NT5C2: variants seen among roughly 807,000 people sequenced by gnomAD.
NT5C2 encodes 5'-nucleotidase, cytosolic II.
NT5C2 carries 58 observed loss-of-function variants against 76.1 expected under a neutral mutation model. The observed-to-expected ratio is 0.76, with a 90% CI of 0.62 to 0.95. The LOEUF (loss-of-function observed/expected upper bound fraction) is 0.95. NT5C2 is among the 40% of genes least tolerant of loss of function. NT5C2 has a pLI of 0.00. For synonymous variants in NT5C2, 229 were observed against 237.4 expected, an observed-to-expected ratio of 0.96 and a Z score of 0.32; for missense variants, 478 against 690.3, an observed-to-expected ratio of 0.69 and a Z score of 3.45.
chr10:103,127,504 G>A (rs987270641), intron 4 of NT5C2, among the ~76,000 whole-genome samples: 1 of 152,150 alleles, frequency 6.6e-6, no homozygotes, highest in Non-Finnish European at 1.5e-5. Flanking sequence ...CCATCAGAAT[G>A]GATTATGTTA....
chr10:103,127,698 A>G (rs1261758510), intron 4 of NT5C2, among the ~76,000 whole-genome samples: 1 of 152,210 alleles, frequency 6.6e-6, no homozygotes, highest in Non-Finnish European at 1.5e-5. Flanking sequence ...TAACACCTTT[A>G]GCAAAATCCG....
At chr10:103,188,703 T>C (rs964391746) in intron 1 of NT5C2, among the ~76,000 whole-genome samples, 4 of 152,118 alleles carry the variant, frequency 2.6e-5, no homozygotes, top group African/African-American at 9.7e-5. Context: ...GAAAATTCTG[T>C]ATAACATACG....
chr10:103,190,893 T>C (rs1266468085), intron 1 of NT5C2, among the ~76,000 whole-genome samples: 1 of 152,212 alleles, frequency 6.6e-6, no homozygotes, highest in Non-Finnish European at 1.5e-5. Context: ...GAAGATTAGA[T>C]GAATTCTCTA....
intron 4 of NT5C2, among the ~76,000 whole-genome samples, chr10:103,114,441 A>G (rs1483704765): frequency 6.6e-6 from 1 of 152,068 alleles, no homozygotes; most frequent in Non-Finnish European, 1.5e-5. Flanking sequence ...AATAAAAATA[A>G]AAATACTGAC....
intron 3 of NT5C2, among the ~76,000 whole-genome samples, chr10:103,173,214 T>C (rs150717286): frequency 2.8e-4 from 42 of 152,274 alleles, no homozygotes; most frequent in African/African-American, 4.3e-4. Context: ...AAGGAAACTT[T>C]GCTAATACCC....
intron 3 of NT5C2, among the ~76,000 whole-genome samples, chr10:103,154,108 C>G (rs1287325462): frequency 6.6e-6 from 1 of 152,098 alleles, no homozygotes; most frequent in Non-Finnish European, 1.5e-5. Flanking sequence ...AACATTCCTG[C>G]CTCCCGACCA....
chr10:103,191,692 A>C (rs1041450199), intron 1 of NT5C2, among the ~76,000 whole-genome samples: 5 of 149,772 alleles, frequency 3.3e-5, no homozygotes, highest in Admixed American at 6.7e-5. Flanking sequence ...GGAATCTTGC[A>C]TAACATCTCC....
intron 4 of NT5C2, among the ~76,000 whole-genome samples, chr10:103,126,940 T>C (rs1305128061): frequency 6.6e-6 from 1 of 152,162 alleles, no homozygotes; most frequent in African/African-American, 2.4e-5. Flanking sequence ...GTCTCCCAAG[T>C]AGCTGGAACT....
At chr10:103,156,671 C>G (rs1004472542) in intron 3 of NT5C2, among the ~76,000 whole-genome samples, 2 of 151,698 alleles carry the variant, frequency 1.3e-5, no homozygotes, top group African/African-American at 4.8e-5. Flanking sequence ...TCGACAATCA[C>G]TTGAACCCAG....
chr10:103,093,961 CTG>C lies in NT5C2; in HGVS notation c.988+9_988+10del. On this transcript the variant is annotated intron_variant, in intron 14 of 18. Coordinates refer to ENST00000404739, the MANE Select transcript of NT5C2 (RefSeq NM_001351169.2). ...GCAAAGACATTAAATAAAGGGAAGT[CTG>C]TGACTTACCTCCTGAGTAGACGATA... 6.2e-7 allele frequency: 1 copy of C among 1,605,818 alleles called. No homozygotes were observed. Among genetic ancestry groups the C allele is most frequent in the Non-Finnish European group, 8.5e-7 (1 of 1,172,432 alleles).
In NT5C2 at chr10:103,139,558, T is replaced by C. The variant is rs1219313201; in HGVS notation, c.102-79A>G. 5.0e-6 allele frequency: 5 copies of C among 1,000,126 alleles called. No homozygotes were observed. The Admixed American group carries it at 8.2e-5, about 16-fold the overall frequency. The allele number at this position is 1,000,126 out of a possible 1,614,324, so 62.0% of individuals were successfully genotyped here. On this transcript the variant is annotated intron_variant, in intron 3 of 18. Coordinates refer to ENST00000404739, the MANE Select transcript of NT5C2 (RefSeq NM_001351169.2). ...TTTAATAAAGTTATTTGGCTATTTT[T>C]CTAGGTTTTCTCATTTATTTTTCCA...
intron 2 of NT5C2, among the ~76,000 whole-genome samples, chr10:103,180,153 T>C (rs1048866954): frequency 3.3e-5 from 5 of 152,222 alleles, no homozygotes; most frequent in African/African-American, 1.2e-4. Context: ...TATGAAGTGA[T>C]GTTTAACATC....
intron 3 of NT5C2, among the ~76,000 whole-genome samples, chr10:103,170,359 C>A (rs1487754783): frequency 6.6e-6 from 1 of 151,892 alleles, no homozygotes; most frequent in Non-Finnish European, 1.5e-5. Flanking sequence ...AAACATCAAG[C>A]CTTTGAAAAT....
At chr10:103,187,579 A>G (rs1445380505) in intron 1 of NT5C2, among the ~76,000 whole-genome samples, 4 of 151,490 alleles carry the variant, frequency 2.6e-5, no homozygotes, top group African/African-American at 7.3e-5. Flanking sequence ...AAAACTTTTA[A>G]TGTTTACTCT....
chr10:103,142,666 T>G (rs1014679674), intron 3 of NT5C2, among the ~76,000 whole-genome samples: 29 of 148,242 alleles, frequency 2.0e-4, no homozygotes, highest in African/African-American at 6.9e-4. Context: ...AGACCCTGTT[T>G]CAAAAAGAAA....
intron 4 of NT5C2, among the ~76,000 whole-genome samples, chr10:103,129,580 G>C (rs1591229291): frequency 8.6e-6 from 1 of 116,772 alleles, no homozygotes; most frequent in African/African-American, 3.2e-5. Flanking sequence ...AGGTGGGGGT[G>C]TCAGCCCCCC....
chr10:103,098,310 A>AATT (rs1298674462), intron 10 of NT5C2: 1 of 258,130 alleles, frequency 3.9e-6, no homozygotes, highest in Non-Finnish European at 7.4e-6. Flanking sequence ...TTTTTTAAAA[A>AATT]ATTTTATCAG....
chr10:103,091,014 A>ACTC lies in NT5C2; in HGVS notation c.1212-21_1212-19dup, dbSNP rs767253935. 2 of 1,609,218 alleles carry ACTC rather than the reference A, an allele frequency of 1.2e-6. No homozygotes were observed. The highest frequency in any genetic ancestry group is 3.3e-5 in the Admixed American group (2 of 59,968). On this transcript the variant is annotated intron_variant, in intron 16 of 18. Coordinates refer to ENST00000404739, the MANE Select transcript of NT5C2 (RefSeq NM_001351169.2). ...CAAGATGCCTAAAGATAAAAGAAAA[A>ACTC]CTCAGTGAAAATCTCTGGGAAGAGC...
chr10:103,173,611 CA>C (rs1323084034), intron 3 of NT5C2, among the ~76,000 whole-genome samples: 772 of 43,188 alleles, frequency 0.018, 3 homozygotes, highest in Middle Eastern at 0.1. Context: ...GACGCCGTCT[CA>C]AAAAAAAAAA....
Sources: allele counts gnomAD v4.1 joint callset (sites outside exome capture counted in the v4.1 genomes callset), GRCh38; gene constraint gnomAD v4.1.1; transcripts MANE v1.5; gene names NCBI Gene and HGNC (gene_info 2026-07-23, HGNC 2026-07-21).